Variants in CMYA5 observed in about 807,000 individuals in gnomAD.
The protein encoded by CMYA5 is cardiomyopathy-associated protein 5.
In CMYA5, 246 loss-of-function variants were observed where a neutral mutation model predicts 318.9. The ratio of observed to expected loss-of-function variants is 0.77; its 90% CI spans 0.70 to 0.86. The LOEUF (loss-of-function observed/expected upper bound fraction) is 0.86. Ranked by LOEUF, CMYA5 falls within the 40% of genes least tolerant of loss-of-function variation. The pLI is 0.00. For missense variants in CMYA5, 4,589 were observed against 4,678.2 expected, an observed-to-expected ratio of 0.98 and a Z score of 0.56; for synonymous variants, 1,641 against 1,729.5, an observed-to-expected ratio of 0.95 and a Z score of 1.27.
In CMYA5 at chr5:79,747,556, T is replaced by C. The variant is rs924867142; in HGVS notation, c.10991+443T>C. On this transcript the variant is annotated intron_variant, in intron 5 of 12. Transcript: ENST00000446378. Reference sequence around the variant, plus strand: ...AAGATAGTCATGCATTTATCTTCTCTTTCTGCTCAGCTAACCTAAATGAAT... The same window carrying C: ...AAGATAGTCATGCATTTATCTTCTCCTTCTGCTCAGCTAACCTAAATGAAT... 2.0e-5 allele frequency among the ~76,000 whole-genome samples: 3 copies of C among 152,376 alleles called. No homozygotes were observed. In the South Asian group the frequency reaches 6.2e-4, roughly 32 times the overall value.
At chr5:79,717,159 A>T (rs1048359570) in intron 1 of CMYA5, among the ~76,000 whole-genome samples, 1 of 152,236 alleles carries the variant, frequency 6.6e-6, no homozygotes, top group African/African-American at 2.4e-5. Flanking sequence ...TGATTGTTCC[A>T]GGACCTTTTT....
intron 5 of CMYA5, 103 bp downstream of exon 5, chr5:79,747,216 C>G: frequency 1.9e-6 from 2 of 1,073,048 alleles, no homozygotes; most frequent in South Asian, 3.5e-5. Context: ...TTAAAAAATG[C>G]ATTTAGTGGG....
chr5:79,739,907 C>T (rs188479962), intron 2 of CMYA5, among the ~76,000 whole-genome samples: 72 of 151,936 alleles, frequency 4.7e-4, no homozygotes, highest in African/African-American at 1.7e-3. Flanking sequence ...CAGTTGAGCC[C>T]AGGAGGTCAA....
At chr5:79,705,241 C>T (rs753119085) in intron 1 of CMYA5, among the ~76,000 whole-genome samples, 1 of 152,162 alleles carries the variant, frequency 6.6e-6, no homozygotes, top group Non-Finnish European at 1.5e-5. Context: ...CACTGCACTC[C>T]AGCCTGGGTG....
At chr5:79,740,131 G>A (rs1234934585) in intron 2 of CMYA5, among the ~76,000 whole-genome samples, 1 of 152,180 alleles carries the variant, frequency 6.6e-6, no homozygotes, top group African/African-American at 2.4e-5. Context: ...AGGAGAGGAT[G>A]TATGCCGGTT....
Position 79,730,265 on chromosome 5 carries a change from G to A in CMYA5, c.1500G>A (p.Met500Ile). ...CCATTTCTCTTTCTGAACCTCTAATGTTAGAAGAACCAGAGAAAGAAGAAA... is the reference window on the plus strand; with the variant it reads ...CCATTTCTCTTTCTGAACCTCTAATATTAGAAGAACCAGAGAAAGAAGAAA... ...EPSISLSEPL[M>I]LEEPEKEEIE... is the part of the protein sequence containing the mutation. The change falls in exon 2 of 13, where the codon ATG becomes ATA. Residue 500 changes from methionine (M) to isoleucine (I), a missense_variant. Transcript: ENST00000446378. 1 of 1,613,784 alleles carries A rather than the reference G, an allele frequency of 6.2e-7. No individual in the cohort carries two copies. The highest frequency in any genetic ancestry group is 8.5e-7 in the Non-Finnish European group (1 of 1,179,804).
Position 79,737,759 on chromosome 5 carries a change from T to G in CMYA5, c.8994T>G (p.Val2998=), listed in dbSNP as rs755438414. ...CACTCCCTGATGATAGTGAAACAGT[T>G]GCTTGTCATAAAACATTAAAGAGCA... ...TIPLPDDSET[V]ACHKTLKSRL... The change falls in exon 2 of 13, where the codon GTT becomes GTG. Residue 2998 remains valine (V), a synonymous_variant. Transcript: ENST00000446378. 5.7e-5 allele frequency: 92 copies of G among 1,611,326 alleles called. No individual in the cohort carries two copies. The highest frequency in any genetic ancestry group is 7.0e-5 in the Non-Finnish European group (82 of 1,179,302).
At chr5:79,769,423 A>G (rs934647639) in intron 9 of CMYA5, among the ~76,000 whole-genome samples, 17 of 151,950 alleles carry the variant, frequency 1.1e-4, no homozygotes, top group Non-Finnish European at 1.5e-4. Flanking sequence ...TTTTTCCCTC[A>G]TATTCGTGGA....
intron 1 of CMYA5, among the ~76,000 whole-genome samples, chr5:79,708,316 T>C (rs1030218892): frequency 6.6e-6 from 1 of 152,098 alleles, no homozygotes; most frequent in African/African-American, 2.4e-5. Context: ...CAAATACTAA[T>C]CATAATAATA....
intron 7 of CMYA5, among the ~76,000 whole-genome samples, chr5:79,760,717 C>G (rs930420516): frequency 6.6e-6 from 1 of 152,190 alleles, no homozygotes; most frequent in African/African-American, 2.4e-5. Flanking sequence ...CTGGGAATTA[C>G]AATTCAACAT....
At chr5:79,709,733 C>T (rs1048811574) in intron 1 of CMYA5, among the ~76,000 whole-genome samples, 3 of 150,924 alleles carry the variant, frequency 2.0e-5, no homozygotes, top group Admixed American at 1.3e-4. Flanking sequence ...CAAGGTGGGC[C>T]GATTACTTGA....
rs1333019216 is a variant in CMYA5 at position 79,738,281 on chromosome 5, T to C, written c.9516T>C (p.Pro3172=). 1.9e-6 allele frequency: 3 copies of C among 1,613,418 alleles called. No homozygotes were observed. The highest frequency in any genetic ancestry group is 2.5e-6 in the Non-Finnish European group (3 of 1,179,776). Residue 3172 remains proline (P), a synonymous_variant, in exon 2 of 13, where the codon CCT becomes CCC. Transcript: ENST00000446378. ...TTCTATCACGAACCCAGATATTTCCTACCACTATTAAAGTCATTGATCCAG... is the reference window on the plus strand; with the variant it reads ...TTCTATCACGAACCCAGATATTTCCCACCACTATTAAAGTCATTGATCCAG... ...EGVLSRTQIF[P]TTIKVIDPEF...
chr5:79,703,461 G>A (rs1485400218), intron 1 of CMYA5, among the ~76,000 whole-genome samples: 1 of 152,122 alleles, frequency 6.6e-6, no homozygotes, highest in Non-Finnish European at 1.5e-5. Flanking sequence ...TTTCTGCTTT[G>A]AGGTTTCAAA....
At chr5:79,696,049 G>A (rs1424414973) in intron 1 of CMYA5, among the ~76,000 whole-genome samples, 2 of 152,194 alleles carry the variant, frequency 1.3e-5, no homozygotes, top group African/African-American at 4.8e-5. Flanking sequence ...TGAGTAAAGG[G>A]CAAGCCTTCC....
intron 1 of CMYA5, among the ~76,000 whole-genome samples, chr5:79,700,323 G>A (rs1827149713): frequency 6.6e-6 from 1 of 152,196 alleles, no homozygotes; most frequent in Non-Finnish European, 1.5e-5. Flanking sequence ...GGTGAGAGGT[G>A]CTGCCTTGGG....
intron 12 of CMYA5, among the ~76,000 whole-genome samples, chr5:79,795,147 T>G (rs1026293881): frequency 2.6e-5 from 4 of 152,186 alleles, no homozygotes; most frequent in Admixed American, 2.6e-4. Context: ...GGCCTTTGGC[T>G]CTTTCAGGCT....
At position 79,736,380 on chromosome 5, in the gene CMYA5, G is replaced by T; in HGVS notation, c.7615G>T (p.Glu2539Ter). The change falls in exon 2 of 13, where the codon GAA becomes TAA. Residue 2539 changes from glutamate (E) to a stop codon, truncating the protein, a stop_gained. Transcript: ENST00000446378. LOFTEE classifies it high-confidence loss of function. ...IIVGSEKEKG[E>*]EKENQVYVLS... ...TGTTGGTTCTGAAAAGGAGAAAGGT[G>T]AAGAAAAAGAAAATCAGGTATATGT... is the stretch of plus-strand genomic sequence containing the variant. 1 of 1,612,368 alleles carries T rather than the reference G, an allele frequency of 6.2e-7. No individual in the cohort carries two copies. The highest frequency in any genetic ancestry group is 8.5e-7 in the Non-Finnish European group (1 of 1,179,150).
chr5:79,724,116 G>A (rs748998592), intron 1 of CMYA5, among the ~76,000 whole-genome samples: 26 of 151,832 alleles, frequency 1.7e-4, no homozygotes, highest in Middle Eastern at 3.2e-3. Context: ...TCAGGAGTTT[G>A]GGACCAGCCT....
intron 5 of CMYA5, among the ~76,000 whole-genome samples, chr5:79,749,756 A>G (rs1828396467): frequency 6.6e-6 from 1 of 151,564 alleles, no homozygotes; most frequent in Non-Finnish European, 1.5e-5. Context: ...ACAAACATAA[A>G]GATACAGTAC....
Sources: allele counts gnomAD v4.1 joint callset (sites outside exome capture counted in the v4.1 genomes callset), GRCh38; gene constraint gnomAD v4.1.1; transcripts MANE v1.5; gene names NCBI Gene and HGNC (gene_info 2026-07-23, HGNC 2026-07-21).